The following HEMK2 variants were observed in gnomAD, a reference collection of about 807,000 sequenced individuals.
The protein encoded by HEMK2 is methyltransferase HEMK2.
At chr21:28,647,795 A>G in the HEMK2 span, among the ~76,000 whole-genome samples, 1 of 152,178 alleles carries the variant, frequency 6.6e-6, no homozygotes, top group Admixed American at 6.5e-5. Context: ...GCCCTCCTCC[A>G]CCTCTCCTTT....
chr21:28,656,505 G>A, the HEMK2 span, among the ~76,000 whole-genome samples: 1 of 151,866 alleles, frequency 6.6e-6, no homozygotes, highest in Admixed American at 6.6e-5. Context: ...CTTAGACAGG[G>A]CTCTTGGTGG....
At chr21:28,665,613 T>C in the HEMK2 span, among the ~76,000 whole-genome samples, 36 of 151,704 alleles carry the variant, frequency 2.4e-4, no homozygotes, top group South Asian at 2.5e-3. Context: ...TGTGGAGAAA[T>C]AGGAACACTT....
At chr21:28,842,843 A>G in the HEMK2 span, among the ~76,000 whole-genome samples, 3 of 152,126 alleles carry the variant, frequency 2.0e-5, no homozygotes, top group Non-Finnish European at 4.4e-5. Context: ...AATCAGGTAG[A>G]TATTAGTTAG....
the HEMK2 span, among the ~76,000 whole-genome samples, chr21:28,847,696 G>A: frequency 6.6e-6 from 1 of 152,046 alleles, no homozygotes; most frequent in Admixed American, 6.6e-5. Flanking sequence ...ACTTTGCCAT[G>A]GCCAATGTGC....
the HEMK2 span, among the ~76,000 whole-genome samples, chr21:28,862,823 CAT>C: frequency 6.6e-6 from 1 of 152,194 alleles, no homozygotes; most frequent in African/African-American, 2.4e-5. Flanking sequence ...TATCATGTGA[CAT>C]AAGATTTATT....
chr21:28,829,970 A>G, the HEMK2 span, among the ~76,000 whole-genome samples: 1 of 152,272 alleles, frequency 6.6e-6, no homozygotes, highest in East Asian at 1.9e-4. Flanking sequence ...TAAGAGGGAG[A>G]AGATCTGTCT....
At chr21:28,801,642 A>G in the HEMK2 span, among the ~76,000 whole-genome samples, 3 of 151,682 alleles carry the variant, frequency 2.0e-5, no homozygotes, top group Admixed American at 6.6e-5. Context: ...GAAATCAACA[A>G]GAAAAGACCA....
the HEMK2 span, among the ~76,000 whole-genome samples, chr21:28,645,840 A>G: frequency 6.6e-6 from 1 of 152,202 alleles, no homozygotes; most frequent in Non-Finnish European, 1.5e-5. Flanking sequence ...CAAATCTGCC[A>G]GTGCCTTGCT....
At chr21:28,854,596 G>T in the HEMK2 span, among the ~76,000 whole-genome samples, 3 of 152,280 alleles carry the variant, frequency 2.0e-5, no homozygotes, top group South Asian at 6.2e-4. Context: ...TACGCCATCT[G>T]CAGGCTGAGG....
chr21:28,791,544 T>C, the HEMK2 span, among the ~76,000 whole-genome samples: 3 of 152,212 alleles, frequency 2.0e-5, no homozygotes, highest in Non-Finnish European at 4.4e-5. Context: ...ATTCCTCTTA[T>C]CATGCTCTAT....
chr21:28,686,657 T>A, the HEMK2 span, among the ~76,000 whole-genome samples: 2 of 152,230 alleles, frequency 1.3e-5, no homozygotes, highest in African/African-American at 2.4e-5. Flanking sequence ...GTGTGCTGGA[T>A]GAACGCTTTT....
the HEMK2 span, among the ~76,000 whole-genome samples, chr21:28,742,757 C>CATGA: frequency 6.6e-6 from 1 of 152,022 alleles, no homozygotes; most frequent in South Asian, 2.1e-4. Flanking sequence ...TGTCATGGTG[C>CATGA]CATCTACAGT....
At chr21:28,758,330 G>A in the HEMK2 span, among the ~76,000 whole-genome samples, 18 of 152,132 alleles carry the variant, frequency 1.2e-4, no homozygotes, top group Non-Finnish European at 2.1e-4. Context: ...ATGTTGGGCG[G>A]GACAAAAAGA....
chr21:28,728,142 C>T, the HEMK2 span, among the ~76,000 whole-genome samples: 1 of 152,204 alleles, frequency 6.6e-6, no homozygotes, highest in African/African-American at 2.4e-5. Context: ...TAATTTGCTA[C>T]AGTGGCAATA....
chr21:28,826,915 G>A, the HEMK2 span, among the ~76,000 whole-genome samples: 1 of 152,156 alleles, frequency 6.6e-6, no homozygotes, highest in African/African-American at 2.4e-5. Context: ...CTTCTGGAAT[G>A]AGCCATGTCA....
the HEMK2 span, among the ~76,000 whole-genome samples, chr21:28,772,187 T>C: frequency 3.9e-5 from 6 of 152,142 alleles, no homozygotes; most frequent in Non-Finnish European, 8.8e-5. Flanking sequence ...TGGGCTTCAG[T>C]ACTAAAACCT....
At chr21:28,851,502 T>C in the HEMK2 span, among the ~76,000 whole-genome samples, 1 of 152,214 alleles carries the variant, frequency 6.6e-6, no homozygotes, top group Non-Finnish European at 1.5e-5. Context: ...TTTTTCTTGG[T>C]TGTCGGAGGG....
chr21:28,805,545 G>A, the HEMK2 span, among the ~76,000 whole-genome samples: 1 of 152,174 alleles, frequency 6.6e-6, no homozygotes, highest in African/African-American at 2.4e-5. Flanking sequence ...TCAGAAATTT[G>A]GAGGCTGCCG....
the HEMK2 span, among the ~76,000 whole-genome samples, chr21:28,863,415 T>C: frequency 5.1e-4 from 4 of 7,818 alleles, no homozygotes; most frequent in Non-Finnish European, 1.4e-3. Flanking sequence ...CCCTTTTATA[T>C]ATATATATAT....
Sources: allele counts gnomAD v4.1 joint callset (sites outside exome capture counted in the v4.1 genomes callset), GRCh38; gene constraint gnomAD v4.1.1; transcripts MANE v1.5; gene names NCBI Gene and HGNC (gene_info 2026-07-23, HGNC 2026-07-21).